MRLN: variants seen among roughly 807,000 people sequenced by gnomAD.
MRLN encodes myoregulin.
At chr10:59,741,060 A>G (rs965462003) in intron 1 of MRLN, among the ~76,000 whole-genome samples, 1 of 152,196 alleles carries the variant, frequency 6.6e-6, no homozygotes, top group Non-Finnish European at 1.5e-5. Flanking sequence ...AGCCTCCCAA[A>G]GTGCTGAGAT....
chr10:59,736,942 G>A lies in MRLN; in HGVS notation c.*118C>T, dbSNP rs762940882. 1.9e-5 allele frequency: 7 copies of A among 373,090 alleles called. No individual in the cohort carries two copies. Among genetic ancestry groups the A allele is most frequent in the Non-Finnish European group, 2.9e-5 (6 of 209,166 alleles). 23.1% of individuals were successfully genotyped at this position (373,090 alleles called of 1,614,324 possible). A position where few individuals can be genotyped will look rare whatever the true frequency, so the allele number is the denominator to read the frequency against. The stretch of plus-strand genomic sequence containing the variant: ...AATGTTGTTTGTATTGCAGTGTCCT[G>A]TTGGCTTCTAGAATAAATTGGCAAT... On this transcript the variant is annotated 3_prime_UTR_variant, in exon 3 of 3. Transcript: ENST00000414264.
rs116470989 is a variant in MRLN, at chr10:59,742,236, G to A, written c.-124-3674C>T. Among the ~76,000 whole-genome samples, 814 of 152,202 alleles carry A rather than the reference G, an allele frequency of 5.3e-3. 9 individuals are homozygous for A. The highest frequency in any genetic ancestry group is 0.019 in the African/African-American group (783 of 41,520). On this transcript the variant is annotated intron_variant, in intron 1 of 2. Transcript: ENST00000414264. Reference sequence around the variant, plus strand: ...TCATATAATGGAATATTATATAATAGTAAAAATTAAACTACAGCTATAGAC... The same window carrying A: ...TCATATAATGGAATATTATATAATAATAAAAATTAAACTACAGCTATAGAC...
At chr10:59,742,136 A>G (rs1201360881) in intron 1 of MRLN, among the ~76,000 whole-genome samples, 1 of 152,202 alleles carries the variant, frequency 6.6e-6, no homozygotes, top group Non-Finnish European at 1.5e-5. Flanking sequence ...ACCAAGACAC[A>G]TATCCAAACA....
chr10:59,747,717 A>T (rs1002104934), intron 1 of MRLN, among the ~76,000 whole-genome samples: 8 of 152,194 alleles, frequency 5.3e-5, no homozygotes, highest in African/African-American at 1.9e-4. Flanking sequence ...TTTACATGCA[A>T]TACGCTATAG....
Position 59,736,835 on chromosome 10 carries a change from G to A in MRLN, c.*225C>T. ...AAAAATCTAGAAGTTTCATGACTCA[G>A]TAGGATAGATGTTTTTGGGGAAAAA... On this transcript the variant is annotated 3_prime_UTR_variant, in exon 3 of 3. Coordinates refer to ENST00000414264, the MANE Select transcript of MRLN (RefSeq NM_001304731.2). 1 of 216,346 alleles carries A rather than the reference G, an allele frequency of 4.6e-6. No individual in the cohort carries two copies. The allele number at this position is 216,346 out of a possible 1,614,324, so 13.4% of individuals were successfully genotyped here. A position where few individuals can be genotyped will look rare whatever the true frequency, so the allele number is the denominator to read the frequency against.
chr10:59,751,180 A>T (rs928531933), intron 1 of MRLN, among the ~76,000 whole-genome samples: 2 of 152,214 alleles, frequency 1.3e-5, no homozygotes, highest in Non-Finnish European at 2.9e-5. Context: ...ATAGATGGTT[A>T]GGCTGGAGAA....
Position 59,741,184 on chromosome 10 carries a change from A to T in MRLN, c.-124-2622T>A, listed in dbSNP as rs868557611. Among the ~76,000 whole-genome samples the T allele has an allele frequency of 2.6e-5, 4 of 152,154 alleles. No individual in the cohort carries two copies. In the South Asian group the frequency reaches 8.3e-4, roughly 32 times the overall value. ...AGTGTAGCCTAAGTGTACAGTGTTC[A>T]CAAAGTCTAGAGTAGTGTACAGGAA... On this transcript the variant is annotated intron_variant, in intron 1 of 2. Transcript: ENST00000414264.
chr10:59,738,597 A>G (rs1387450412), intron 1 of MRLN, 35 bp from the exon 2 acceptor site: 1 of 152,188 alleles, frequency 6.6e-6, no homozygotes, highest in African/African-American at 2.4e-5. Flanking sequence ...TTTACTGGAC[A>G]GTGAGGTAGT....
intron 1 of MRLN, among the ~76,000 whole-genome samples, chr10:59,747,327 T>C (rs10993989): frequency 0.2 from 30,173 of 152,120 alleles, 3,510 homozygotes; most frequent in Middle Eastern, 0.32. Context: ...GGTCTGCCAC[T>C]GTGCATGAGA....
chr10:59,746,615 G>A (rs1841046448), intron 1 of MRLN, among the ~76,000 whole-genome samples: 1 of 152,164 alleles, frequency 6.6e-6, no homozygotes, highest in African/African-American at 2.4e-5. Context: ...ATATAAGTGA[G>A]CTGGTTGTGG....
chr10:59,749,639 A>C (rs1218435539), intron 1 of MRLN, among the ~76,000 whole-genome samples: 1 of 152,144 alleles, frequency 6.6e-6, no homozygotes, highest in East Asian at 1.9e-4. Context: ...GGTTGCAGTG[A>C]ACCGAGATCG....
chr10:59,741,980 T>G (rs1589016422), intron 1 of MRLN, among the ~76,000 whole-genome samples: 1 of 152,108 alleles, frequency 6.6e-6, no homozygotes, highest in African/African-American at 2.4e-5. Context: ...CCTCAGGTGG[T>G]CCTCCCCTCC....
intron 1 of MRLN, among the ~76,000 whole-genome samples, chr10:59,744,628 A>G (rs1283931396): frequency 6.6e-6 from 1 of 152,182 alleles, no homozygotes; most frequent in Non-Finnish European, 1.5e-5. Context: ...AGCTCATTGA[A>G]AACGGGCCAT....
chr10:59,749,830 A>G (rs1171592), intron 1 of MRLN, among the ~76,000 whole-genome samples: 144,713 of 152,164 alleles, frequency 0.95, 68,948 homozygotes, highest in East Asian at 1. Context: ...GGGATGGAGT[A>G]GCTCAGTTAG....
intron 1 of MRLN, among the ~76,000 whole-genome samples, chr10:59,748,965 A>G (rs959094025): frequency 2.6e-5 from 4 of 152,230 alleles, no homozygotes; most frequent in Non-Finnish European, 4.4e-5. Flanking sequence ...ACACAGAAAC[A>G]TGTTAGTCAC....
rs555653896 is a variant in MRLN at position 59,752,993 on chromosome 10, A to G, written c.-125+361T>C. On this transcript the variant is annotated intron_variant, in intron 1 of 2. Transcript: ENST00000414264. ...GAAAATTCTCTTTGAAATCACTGGA[A>G]TTCTATTTGGAGAGAAAATACAAGG... 3.0e-4 allele frequency among the ~76,000 whole-genome samples: 46 copies of G among 152,310 alleles called. No individual in the cohort carries two copies. The East Asian group carries it at 8.7e-3, about 29-fold the overall frequency.
chr10:59,737,648 CAA>C (rs60567923), intron 2 of MRLN, among the ~76,000 whole-genome samples: 43 of 50,270 alleles, frequency 8.6e-4, no homozygotes, highest in African/African-American at 1.5e-3. Flanking sequence ...AGGTACTGAT[CAA>C]AAAAAAAAAA....
chr10:59,737,297 A>T (rs1485508188), intron 2 of MRLN, 77 bp from the exon 3 acceptor site: 2 of 381,408 alleles, frequency 5.2e-6, no homozygotes, highest in African/African-American at 4.1e-5. Context: ...TAATATTTCC[A>T]CTATAAAAAG....
At chr10:59,751,111 G>A (rs1841098721) in intron 1 of MRLN, among the ~76,000 whole-genome samples, 2 of 152,150 alleles carry the variant, frequency 1.3e-5, no homozygotes, top group Admixed American at 6.5e-5. Context: ...TATGTTTTTA[G>A]GTGCAGATCT....
Sources: allele counts gnomAD v4.1 joint callset (sites outside exome capture counted in the v4.1 genomes callset), GRCh38; gene constraint gnomAD v4.1.1; transcripts MANE v1.5; gene names NCBI Gene and HGNC (gene_info 2026-07-23, HGNC 2026-07-21).